Variants in LRRC27 observed in about 807,000 individuals in gnomAD.
The protein encoded by LRRC27 is leucine-rich repeat-containing protein 27.
A neutral mutation model predicts 55.0 loss-of-function variants in LRRC27; 57 were observed. The observed-to-expected ratio is 1.04, with a 90% CI of 0.84 to 1.29. The LOEUF (loss-of-function observed/expected upper bound fraction) is 1.29, where lower values mean the gene tolerates loss of function less well. Ranked by LOEUF, LRRC27 falls within the 50% of genes most tolerant of loss-of-function variation. LRRC27 has a pLI of 0.00. For missense variants in LRRC27, 721 were observed against 651.5 expected (o/e 1.11, Z -1.16); for synonymous variants, 278 against 251.9 (o/e 1.10, Z -0.98).
intron 10 of LRRC27, chr10:132,366,993 C>A (rs1460820541): frequency 3.2e-6 from 4 of 1,233,730 alleles, no homozygotes; most frequent in South Asian, 1.3e-5. Context: ...AACTCTTATT[C>A]TTTCTAAATC....
chr10:132,330,570 C>A, upstream of LRRC27: 1 of 707,868 alleles, frequency 1.4e-6, no homozygotes. Context: ...TTAAGTGGCA[C>A]AATCATAACT....
Position 132,336,767 on chromosome 10 carries a change from T to C in LRRC27, c.211-798T>C, listed in dbSNP as rs372651588. The C allele has an allele frequency of 4.7e-5, 36 of 773,398 alleles. No homozygotes were observed. The East Asian group carries it at 7.5e-4, about 16-fold the overall frequency. The allele number at this position is 773,398 out of a possible 1,614,324, so 47.9% of individuals were successfully genotyped here. A position where few individuals can be genotyped will look rare whatever the true frequency, so the allele number is the denominator to read the frequency against. On this transcript the variant is annotated intron_variant, in intron 2 of 10. Transcript: ENST00000368614. Reference sequence around the variant, plus strand: ...GGCAGTCTGGCTTTGAGATCATTGTTCCGAACATCTGTTTCTACTCCCTCA... The same window carrying C: ...GGCAGTCTGGCTTTGAGATCATTGTCCCGAACATCTGTTTCTACTCCCTCA...
At chr10:132,347,824 G>A (rs1444135556) in intron 5 of LRRC27, among the ~76,000 whole-genome samples, 160 bp from the exon 6 acceptor site, 2 of 152,200 alleles carry the variant, frequency 1.3e-5, no homozygotes, top group East Asian at 3.8e-4. Context: ...GCAGGTGGCA[G>A]GTGGGGTGAC....
intron 7 of LRRC27, among the ~76,000 whole-genome samples, 190 bp downstream of exon 7, chr10:132,351,943 CG>C (rs2068034707): frequency 6.6e-6 from 1 of 152,212 alleles, no homozygotes; most frequent in East Asian, 1.9e-4. Context: ...TGTAGCGCCA[CG>C]CACGGGCTCG....
intron 7 of LRRC27, among the ~76,000 whole-genome samples, chr10:132,354,505 G>A (rs1388258431): frequency 2.0e-5 from 3 of 152,214 alleles, no homozygotes; most frequent in African/African-American, 7.2e-5. Context: ...GGGGCTGGGG[G>A]CTGGGGGCTG....
At position 132,362,934 on chromosome 10, in the gene LRRC27, A is replaced by AC. The variant is rs1310455340; in HGVS notation, c.1289+1362dup. Among the ~76,000 whole-genome samples the AC allele has an allele frequency of 2.0e-5, 2 of 100,880 alleles. 1 individual carries two copies. Among genetic ancestry groups the AC allele is most frequent in the Non-Finnish European group, 4.1e-5 (2 of 49,120 alleles). The allele number at this position is 100,880 out of a possible 152,430, so 66.2% of individuals were successfully genotyped here. A position where few individuals can be genotyped will look rare whatever the true frequency, so the allele number is the denominator to read the frequency against. ...GCAGCAGCTCAGGAGTATGGGGTTC[A>AC]CCCTTCTCACCTCACACCAGCTCGG... On this transcript the variant is annotated intron_variant, in intron 9 of 10. Transcript: ENST00000368614.
At chr10:132,350,321 C>A (rs1278466126) in intron 6 of LRRC27, 1 of 152,278 alleles carries the variant, frequency 6.6e-6, no homozygotes, top group Non-Finnish European at 1.5e-5. Flanking sequence ...CTGATTCTGA[C>A]GTCCAGCAGG....
Position 132,352,877 on chromosome 10 carries a change from C to T in LRRC27, c.1073+1124C>T, listed in dbSNP as rs1233837225. On this transcript the variant is annotated intron_variant, in intron 7 of 10. Transcript: ENST00000368614. ...TCTTTTCCCTCATTTCTTGTTCTTC[C>T]TCAGTCCTTTCCTCCTCATTTTCCC... 3.1e-6 allele frequency: 5 copies of T among 1,613,912 alleles called. No homozygotes were observed. The Admixed American group carries it at 6.7e-5, about 22-fold the overall frequency.
At chr10:132,355,058 G>A (rs1362871074) in intron 7 of LRRC27, among the ~76,000 whole-genome samples, 3 of 152,188 alleles carry the variant, frequency 2.0e-5, no homozygotes, top group East Asian at 3.9e-4. Context: ...GCGGAGGCCC[G>A]AAGACGCCTG....
intron 8 of LRRC27, 137 bp from the exon 9 acceptor site, chr10:132,361,320 A>G (rs2068604450): frequency 1.3e-6 from 1 of 743,192 alleles, no homozygotes; most frequent in Non-Finnish European, 2.4e-6. Flanking sequence ...TGCGTTGCAC[A>G]GGGACCGTCT....
upstream of LRRC27, among the ~76,000 whole-genome samples, chr10:132,330,811 A>G (rs2066670263): frequency 6.6e-6 from 1 of 151,446 alleles, no homozygotes; most frequent in Non-Finnish European, 1.5e-5. Flanking sequence ...TGTCCGGCCT[A>G]AAAAACATTT....
At chr10:132,331,808 C>T (rs369101139), upstream of LRRC27, 367 of 1,587,972 alleles carry the variant, frequency 2.3e-4, 1 homozygote, top group African/African-American at 4.3e-3. Context: ...ACTTGCCCGT[C>T]GACCACCACC....
chr10:132,361,442 G>T lies in LRRC27; in HGVS notation c.1171-15G>T. The T allele has an allele frequency of 1.3e-6, 2 of 1,577,724 alleles. No individual in the cohort carries two copies. The highest frequency in any genetic ancestry group is 2.7e-5 in the African/African-American group (2 of 74,368). On this transcript the variant is annotated splice_polypyrimidine_tract_variant and intron_variant, in intron 8 of 10. Coordinates refer to ENST00000368614, the MANE Select transcript of LRRC27 (RefSeq NM_030626.3). ...CTACTGGGATTCCAGAAATCATCTT[G>T]TTGCATTTTCCTAGGTGGCATCAAA...
chr10:132,349,414 C>T (rs1383628780), intron 6 of LRRC27, among the ~76,000 whole-genome samples: 1 of 152,174 alleles, frequency 6.6e-6, no homozygotes, highest in Non-Finnish European at 1.5e-5. Flanking sequence ...GGAAGCATCA[C>T]TAAAAGATTA....
intron 9 of LRRC27, among the ~76,000 whole-genome samples, chr10:132,363,240 CAG>C (rs201965819): frequency 0.032 from 2,608 of 80,608 alleles, 547 homozygotes; most frequent in Middle Eastern, 0.086. Flanking sequence ...GCTCGGGGGT[CAG>C]GGGTTCATGA....
chr10:132,357,575 C>G (rs553692144), intron 8 of LRRC27, among the ~76,000 whole-genome samples: 1 of 152,152 alleles, frequency 6.6e-6, no homozygotes, highest in South Asian at 2.1e-4. Flanking sequence ...GGACAGTGCA[C>G]AAAAACTCTC....
chr10:132,360,348 G>A (rs538119780), intron 8 of LRRC27, among the ~76,000 whole-genome samples: 114 of 152,270 alleles, frequency 7.5e-4, no homozygotes, highest in Non-Finnish European at 1.4e-3. Context: ...CACCCGCCCC[G>A]GCCTCCCAAA....
intron 8 of LRRC27, among the ~76,000 whole-genome samples, chr10:132,358,336 TG>T: frequency 8.6e-6 from 1 of 116,528 alleles, no homozygotes; most frequent in Non-Finnish European, 1.8e-5. Context: ...TGGAGCAGCG[TG>T]GGGAGGAGCC....
intron 9 of LRRC27, among the ~76,000 whole-genome samples, chr10:132,364,801 C>T (rs2068962196): frequency 3.2e-5 from 4 of 123,234 alleles, no homozygotes. Flanking sequence ...CTCACACCCA[C>T]CCACACTTAC....
Sources: allele counts gnomAD v4.1 joint callset (sites outside exome capture counted in the v4.1 genomes callset), GRCh38; gene constraint gnomAD v4.1.1; transcripts MANE v1.5; gene names NCBI Gene and HGNC (gene_info 2026-07-23, HGNC 2026-07-21).